The following DOP1A variants were observed in gnomAD, a reference collection of about 807,000 sequenced individuals.
DOP1A encodes the protein protein DOP1A.
In DOP1A, 90 loss-of-function variants were observed where a neutral mutation model predicts 267.6. The ratio of observed to expected loss-of-function variants is 0.34; its 90% confidence interval spans 0.28 to 0.40. DOP1A has a LOEUF of 0.40. Among genes scored for constraint, DOP1A ranks in the 10% least tolerant of loss-of-function variants. The pLI is 1.00. For missense variants in DOP1A, 2,437 were observed against 2,900.4 expected (o/e 0.84, Z 3.67); for synonymous variants, 932 against 999.1 (o/e 0.93, Z 1.27).
intron 10 of DOP1A, among the ~76,000 whole-genome samples, chr6:83,121,485 G>A (rs1776375004): frequency 6.6e-6 from 1 of 151,618 alleles, no homozygotes. Flanking sequence ...ATGCATTTTA[G>A]TATTATTTAA....
intron 18 of DOP1A, 57 bp downstream of exon 18, chr6:83,132,385 A>G (rs1778204693): frequency 2.5e-6 from 2 of 813,292 alleles, no homozygotes; most frequent in Non-Finnish European, 3.3e-6. Context: ...ACACACACAC[A>G]AATACTGAAA....
chr6:83,095,515 G>A (rs1582913868), intron 1 of DOP1A, among the ~76,000 whole-genome samples: 1 of 152,264 alleles, frequency 6.6e-6, no homozygotes, highest in Admixed American at 6.5e-5. Context: ...CGTGCATCCA[G>A]CTCTAGAGAA....
At chr6:83,105,005 C>T (rs1026282638) in intron 4 of DOP1A, among the ~76,000 whole-genome samples, 3 of 152,138 alleles carry the variant, frequency 2.0e-5, no homozygotes, top group Non-Finnish European at 4.4e-5. Context: ...ATGCTCCACT[C>T]TCCTTGTTAT....
intron 1 of DOP1A, among the ~76,000 whole-genome samples, chr6:83,093,512 A>G (rs997723506): frequency 1.3e-5 from 2 of 152,214 alleles, no homozygotes; most frequent in African/African-American, 4.8e-5. Flanking sequence ...TGAGAATATT[A>G]TGAAAGAAGT....
chr6:83,158,653 A>G (rs2128395841), intron 36 of DOP1A, 31 bp downstream of exon 36: 1 of 1,460,470 alleles, frequency 6.8e-7, no homozygotes, highest in Non-Finnish European at 9.5e-7. Flanking sequence ...ATTGTTGTCC[A>G]TTTTTTAATA....
At chr6:83,160,949 T>C (rs1460031310) in intron 37 of DOP1A, among the ~76,000 whole-genome samples, 1 of 151,992 alleles carries the variant, frequency 6.6e-6, no homozygotes, top group Admixed American at 6.5e-5. Flanking sequence ...TCTAGTTCCT[T>C]TAATTTTCTC....
chr6:83,128,560 A>G (rs1333716185), intron 15 of DOP1A, among the ~76,000 whole-genome samples: 1 of 152,218 alleles, frequency 6.6e-6, no homozygotes, highest in Non-Finnish European at 1.5e-5. Context: ...TTTTAACCTT[A>G]CATATCTCAT....
At chr6:83,128,264 G>A (rs1160292557) in intron 15 of DOP1A, among the ~76,000 whole-genome samples, 1 of 152,094 alleles carries the variant, frequency 6.6e-6, no homozygotes, top group African/African-American at 2.4e-5. Context: ...CTATTGTAGG[G>A]AGTAAAAGGC....
chr6:83,080,354 A>G (rs1767875764), intron 1 of DOP1A, among the ~76,000 whole-genome samples: 1 of 152,222 alleles, frequency 6.6e-6, no homozygotes, highest in South Asian at 2.1e-4. Context: ...AGAATATTAA[A>G]CTATCAGTGA....
chr6:83,124,725 T>C lies in DOP1A; in HGVS notation c.1361T>C (p.Leu454Pro). The change falls in exon 13 of 39, where the codon CTT becomes CCT. Residue 454 changes from leucine (L) to proline (P), a missense_variant. By Grantham distance (98) the Leu-to-Pro change is moderately conservative. Transcript: ENST00000349129. ...ECCRRTLHVR[L>P]QIGPGDSNDS... ...TTTAGGAGGACACTGCATGTGAGACTTCAGATTGGACCTGGAGATAGTAAT... is the reference window on the plus strand; with the variant it reads ...TTTAGGAGGACACTGCATGTGAGACCTCAGATTGGACCTGGAGATAGTAAT... 1 of 1,612,958 alleles carries C rather than the reference T, an allele frequency of 6.2e-7. No homozygotes were observed. The highest frequency in any genetic ancestry group is 1.7e-4 in the Middle Eastern group (1 of 6,046).
At chr6:83,170,450 G>T, downstream of DOP1A, 2 of 1,613,894 alleles carry the variant, frequency 1.2e-6, no homozygotes, top group Non-Finnish European at 1.7e-6. Context: ...TTCAGCATCG[G>T]TAGTGCTAAT....
In DOP1A at chr6:83,166,961, CTG is replaced by C. The variant is rs558706567; in HGVS notation, c.7093-898_7093-897del. ...TTCATTCTTTAGTGTGGAATTGTAT[CTG>C]TGATTCTGCCCAAGTTCAACCAACC... On this transcript the variant is annotated intron_variant, in intron 38 of 38. Coordinates refer to ENST00000349129, the MANE Select transcript of DOP1A (RefSeq NM_015018.4). The C allele has an allele frequency of 2.3e-5, 23 of 986,176 alleles. No individual in the cohort carries two copies. The South Asian group carries it at 7.5e-4, about 32-fold the overall frequency. 61.1% of individuals were successfully genotyped at this position (986,176 alleles called of 1,614,324 possible).
intron 12 of DOP1A, 100 bp from the exon 13 acceptor site, chr6:83,124,605 C>A: frequency 2.3e-6 from 2 of 864,272 alleles, no homozygotes; most frequent in Non-Finnish European, 3.8e-6. Context: ...CTGTGTGTGA[C>A]CCAATATTGA....
chr6:83,115,883 G>A (rs1213537864), intron 7 of DOP1A, among the ~76,000 whole-genome samples: 5 of 152,098 alleles, frequency 3.3e-5, no homozygotes, highest in African/African-American at 1.2e-4. Flanking sequence ...CCCAAAATAA[G>A]ATGGGGAGAC....
chr6:83,121,127 ATT>A (rs1422167964), intron 10 of DOP1A, among the ~76,000 whole-genome samples: 2 of 151,814 alleles, frequency 1.3e-5, no homozygotes, highest in African/African-American at 4.8e-5. Context: ...TGAGGAAAAT[ATT>A]TGAGTTATAT....
At chr6:83,086,938 A>AGT (rs1200524031) in intron 1 of DOP1A, among the ~76,000 whole-genome samples, 1 of 149,720 alleles carries the variant, frequency 6.7e-6, no homozygotes, top group African/African-American at 2.5e-5. Flanking sequence ...TTAGTTTTAG[A>AGT]CCATGAGAGA....
intron 23 of DOP1A, among the ~76,000 whole-genome samples, chr6:83,141,352 C>T (rs1779627119): frequency 6.6e-6 from 1 of 151,848 alleles, no homozygotes; most frequent in Non-Finnish European, 1.5e-5. Context: ...TTTTTTCTTC[C>T]TTGCACTCTG....
intron 15 of DOP1A, 49 bp from the exon 16 acceptor site, chr6:83,128,838 A>T: frequency 1.3e-6 from 2 of 1,507,164 alleles, no homozygotes; most frequent in Non-Finnish European, 1.8e-6. Flanking sequence ...AATTCCTAAT[A>T]TGTACACTTT....
intron 1 of DOP1A, among the ~76,000 whole-genome samples, chr6:83,092,590 T>C (rs1468320614): frequency 8.7e-6 from 1 of 114,836 alleles, no homozygotes; most frequent in Non-Finnish European, 1.7e-5. Context: ...CAGGGATATG[T>C]TTTAAGACCC....
Sources: gnomAD v4.1 joint callset for allele counts (sites outside exome capture counted in the v4.1 genomes callset) on GRCh38, gnomAD v4.1.1 for gene constraint, MANE v1.5 for transcripts, NCBI Gene and HGNC (gene_info 2026-07-23, HGNC 2026-07-21) for gene names.